HTRA3: variants seen among roughly 807,000 people sequenced by gnomAD.
The protein encoded by HTRA3 is serine protease HTRA3.
HTRA3 carries 41 observed loss-of-function variants against 43.2 expected under a neutral mutation model. The ratio of observed to expected loss-of-function variants is 0.95; its 90% confidence interval spans 0.74 to 1.23. HTRA3 has a LOEUF of 1.23. Among genes scored for constraint, HTRA3 ranks in the 50% most tolerant of loss-of-function variants. The pLI, the probability that HTRA3 is intolerant of heterozygous loss-of-function variation, is 0.00. For missense variants in HTRA3, 628 were observed against 647.1 expected, an observed-to-expected ratio of 0.97 and a Z score of 0.32; for synonymous variants, 295 against 287.9, an observed-to-expected ratio of 1.02 and a Z score of -0.25.
intron 1 of HTRA3, among the ~76,000 whole-genome samples, chr4:8,282,229 G>T (rs1328188347): frequency 3.3e-5 from 5 of 152,190 alleles, no homozygotes; most frequent in African/African-American, 1.2e-4. Flanking sequence ...CATTCTCGGG[G>T]TGAGCGAGCC....
At chr4:8,305,910 GGCCTGGGAAGGCTGT>G (rs1713825889) in intron 8 of HTRA3, 46 bp from the exon 9 acceptor site, 1 of 1,596,446 alleles carries the variant, frequency 6.3e-7, no homozygotes, top group Admixed American at 1.7e-5. Context: ...CTCTGGGCCG[GGCCTGGGAAGGCTGT>G]GCCTGGGGAG....
Position 8,282,125 on chromosome 4 carries a change from G to A in HTRA3, c.386-312G>A, listed in dbSNP as rs193211490. 3.1e-3 allele frequency among the ~76,000 whole-genome samples: 477 copies of A among 152,300 alleles called. 2 individuals are homozygous for A. Among genetic ancestry groups the A allele is most frequent in the South Asian group, 4.1e-3 (20 of 4,820 alleles). On this transcript the variant is annotated intron_variant, in intron 1 of 8. Coordinates refer to ENST00000307358, the MANE Select transcript of HTRA3 (RefSeq NM_053044.5). ...CTGGCCTCACTCCCGTGTGGCTCACGGCAATATCCTAACCTCTCTCTGAGC... is the reference window on the plus strand; with the variant it reads ...CTGGCCTCACTCCCGTGTGGCTCACAGCAATATCCTAACCTCTCTCTGAGC...
In HTRA3 at chr4:8,297,839, A is replaced by G. The variant is rs1006631233; in HGVS notation, c.1051+3638A>G. ...AGACGCGCAGCTGCTTGTGGGATGG[A>G]CCCACCAATGTCCACAGGCAGTTCC... On this transcript the variant is annotated intron_variant, in intron 6 of 8. Transcript: ENST00000307358. This position sits in a 1 kb window ranked among gnomAD's most constrained non-coding sequence, Gnocchi z 5.8. 6.6e-6 allele frequency among the ~76,000 whole-genome samples: 1 copy of G among 151,796 alleles called. No homozygotes were observed. The highest frequency in any genetic ancestry group is 1.5e-5 in the Non-Finnish European group (1 of 67,924).
In HTRA3 at chr4:8,297,099, T is replaced by C. The variant is rs1713482677; in HGVS notation, c.1051+2898T>C. On this transcript the variant is annotated intron_variant, in intron 6 of 8. Coordinates refer to ENST00000307358, the MANE Select transcript of HTRA3 (RefSeq NM_053044.5). This position sits in a 1 kb window ranked among gnomAD's most constrained non-coding sequence, Gnocchi z 5.8. ...TTCCCTGGTCTCAGAAGCCATAAGG[T>C]CCCTTGGTCTCAGGCCCCTGTGCTG... Among the ~76,000 whole-genome samples the C allele has an allele frequency of 6.6e-6, 1 of 151,938 alleles. No homozygotes were observed. The highest frequency in any genetic ancestry group is 1.5e-5 in the Non-Finnish European group (1 of 68,008).
intron 7 of HTRA3, among the ~76,000 whole-genome samples, chr4:8,303,904 C>T (rs949680302): frequency 1.3e-5 from 2 of 151,764 alleles, no homozygotes; most frequent in African/African-American, 2.4e-5. Context: ...CTTCATTCAT[C>T]CATCCATCCA....
At chr4:8,305,805 T>A (rs1323233479) in intron 8 of HTRA3, among the ~76,000 whole-genome samples, 166 bp from the exon 9 acceptor site, 1 of 151,958 alleles carries the variant, frequency 6.6e-6, no homozygotes, top group African/African-American at 2.4e-5. Context: ...GACATTGGTT[T>A]TCTTCTGGTG....
intron 3 of HTRA3, among the ~76,000 whole-genome samples, chr4:8,290,461 C>T (rs1035463552): frequency 2.6e-5 from 4 of 152,206 alleles, no homozygotes; most frequent in South Asian, 2.1e-4. Context: ...GAGACCTGGC[C>T]GATCGCAGAT....
At chr4:8,290,068 A>C (rs1713171942) in intron 3 of HTRA3, among the ~76,000 whole-genome samples, 2 of 152,214 alleles carry the variant, frequency 1.3e-5, no homozygotes, top group Admixed American at 1.3e-4. Context: ...GCCGGTCAGC[A>C]ATGGAAAATG....
At chr4:8,291,620 C>A (rs1273059563) in intron 4 of HTRA3, 56 bp downstream of exon 4, 1 of 1,334,460 alleles carries the variant, frequency 7.5e-7, no homozygotes, top group Non-Finnish European at 1.0e-6. Flanking sequence ...AAGACCTCAA[C>A]CTCGAGGTGG....
At chr4:8,287,740 T>C (rs991179096) in intron 3 of HTRA3, among the ~76,000 whole-genome samples, 3 of 152,144 alleles carry the variant, frequency 2.0e-5, no homozygotes, top group Non-Finnish European at 4.4e-5. Flanking sequence ...AGCCAAACCA[T>C]ATCAGGGACC....
chr4:8,305,824 T>G, intron 8 of HTRA3, 147 bp from the exon 9 acceptor site: 1 of 806,290 alleles, frequency 1.2e-6, no homozygotes, highest in African/African-American at 1.7e-5. Context: ...TGTGAGAGCT[T>G]TGGGGCTGGG....
At chr4:8,303,609 A>G (rs1368264432) in intron 7 of HTRA3, among the ~76,000 whole-genome samples, 1 of 152,200 alleles carries the variant, frequency 6.6e-6, no homozygotes, top group Non-Finnish European at 1.5e-5. Context: ...CAACTCTGCT[A>G]ATCTAGGGGT....
chr4:8,282,765 G>A (rs1553818725), intron 2 of HTRA3, among the ~76,000 whole-genome samples: 1 of 152,256 alleles, frequency 6.6e-6, no homozygotes, highest in East Asian at 1.9e-4. Context: ...CCAAGAAGGT[G>A]CACAGCTGTG....
Position 8,305,961 on chromosome 4 carries a change from C to T in HTRA3, c.1197-10C>T, listed in dbSNP as rs750109851. On this transcript the variant is annotated splice_polypyrimidine_tract_variant and intron_variant, in intron 8 of 8. Transcript: ENST00000307358. The stretch of plus-strand genomic sequence containing the variant: ...GCGGTGGGTGGTGACCCCGTCTCTC[C>T]TGTTGGCAGAGGCGGCATCCAAGAT... The T allele has an allele frequency of 1.2e-6, 2 of 1,609,754 alleles. No homozygotes were observed. The highest frequency in any genetic ancestry group is 1.7e-6 in the Non-Finnish European group (2 of 1,178,866).
intron 1 of HTRA3, among the ~76,000 whole-genome samples, chr4:8,271,291 T>A (rs951239333): frequency 2.6e-5 from 4 of 152,200 alleles, no homozygotes; most frequent in African/African-American, 9.7e-5. Context: ...GTTGGGGAAC[T>A]GAGCGCTCTA....
At chr4:8,292,413 G>T in intron 5 of HTRA3, 60 bp downstream of exon 5, 24 of 1,433,822 alleles carry the variant, frequency 1.7e-5, no homozygotes, top group Non-Finnish European at 2.4e-5. Flanking sequence ...ACATGGGGGT[G>T]CTCAGCCTTG....
At chr4:8,292,150 C>T (rs1273826349) in intron 4 of HTRA3, among the ~76,000 whole-genome samples, 171 bp from the exon 5 acceptor site, 1 of 152,238 alleles carries the variant, frequency 6.6e-6, no homozygotes, top group Non-Finnish European at 1.5e-5. Context: ...GGCAGCCATC[C>T]ACATGGCCTT....
At chr4:8,289,203 GCCTC>G (rs2153005709) in intron 3 of HTRA3, among the ~76,000 whole-genome samples, 1 of 152,248 alleles carries the variant, frequency 6.6e-6, no homozygotes, top group South Asian at 2.1e-4. Flanking sequence ...TCCTGCCTCG[GCCTC>G]CCAAAGTGTT....
chr4:8,284,550 G>A (rs1712883550), intron 2 of HTRA3, among the ~76,000 whole-genome samples: 1 of 152,236 alleles, frequency 6.6e-6, no homozygotes, highest in Non-Finnish European at 1.5e-5. Context: ...GAGGCCAGTG[G>A]GCAGCCGCGG....
Sources: allele counts gnomAD v4.1 joint callset (sites outside exome capture counted in the v4.1 genomes callset), GRCh38; gene constraint gnomAD v4.1.1; non-coding constraint Gnocchi (gnomAD v3.1); transcripts MANE v1.5; gene names NCBI Gene and HGNC (gene_info 2026-07-23, HGNC 2026-07-21).